The following XCR1 variants were observed in gnomAD, a reference collection of about 807,000 sequenced individuals.
XCR1 encodes the protein X-C motif chemokine receptor 1.
For missense variants in XCR1, 356 were observed against 424.2 expected, an observed-to-expected ratio of 0.84 and a Z score of 1.41; for synonymous variants, 187 against 188.5, an observed-to-expected ratio of 0.99 and a Z score of 0.06.
intron 5 of XCR1, among the ~76,000 whole-genome samples, chr3:46,036,143 G>A (rs777178353): frequency 1.1e-4 from 16 of 152,330 alleles, no homozygotes; most frequent in Admixed American, 6.5e-4. Flanking sequence ...GGAGTTTGCT[G>A]TTGAATGAGA....
At chr3:46,026,697 A>G (rs1052757156) in intron 1 of XCR1, among the ~76,000 whole-genome samples, 1 of 151,124 alleles carries the variant, frequency 6.6e-6, no homozygotes, top group Non-Finnish European at 1.5e-5. Flanking sequence ...ATTCTCCTGA[A>G]TCAGCCTCCC....
chr3:46,044,761 C>T (rs1425225963), intron 5 of XCR1, among the ~76,000 whole-genome samples: 1 of 152,070 alleles, frequency 6.6e-6, no homozygotes. Context: ...ATGAAATAGA[C>T]CAATTCCTTG....
intron 3 of XCR1, among the ~76,000 whole-genome samples, chr3:46,071,405 C>G (rs1169699769): frequency 6.6e-6 from 1 of 151,954 alleles, no homozygotes; most frequent in East Asian, 1.9e-4. Flanking sequence ...AGAACTGTAC[C>G]AATCTTCCTG....
At chr3:46,042,418 T>C (rs1697552232) in intron 5 of XCR1, among the ~76,000 whole-genome samples, 1 of 152,140 alleles carries the variant, frequency 6.6e-6, no homozygotes, top group Admixed American at 6.5e-5. Flanking sequence ...TATTTAGCTA[T>C]ATTGAGTAAA....
chr3:46,029,800 A>G (rs775965770), upstream of XCR1, among the ~76,000 whole-genome samples: 3 of 152,048 alleles, frequency 2.0e-5, no homozygotes, highest in Non-Finnish European at 2.9e-5. Context: ...ATCCGGGAAC[A>G]CTGAAAGTCC....
intron 5 of XCR1, among the ~76,000 whole-genome samples, chr3:46,042,749 G>T (rs974555133): frequency 2.6e-5 from 4 of 152,138 alleles, no homozygotes; most frequent in African/African-American, 9.7e-5. Flanking sequence ...AACATTTAAA[G>T]AAGAATTAAC....
At chr3:46,046,287 A>G (rs1697625669) in intron 5 of XCR1, among the ~76,000 whole-genome samples, 1 of 152,212 alleles carries the variant, frequency 6.6e-6, no homozygotes, top group Admixed American at 6.5e-5. Context: ...CCTGAGCTTT[A>G]CACAGCCCTC....
intron 5 of XCR1, among the ~76,000 whole-genome samples, chr3:46,046,916 C>A (rs1697641202): frequency 6.6e-6 from 1 of 152,152 alleles, no homozygotes; most frequent in Non-Finnish European, 1.5e-5. Flanking sequence ...TGGGCTTTCA[C>A]AAGGTCCCAT....
At chr3:46,073,410 C>T (rs1266890407) in intron 3 of XCR1, among the ~76,000 whole-genome samples, 1 of 152,076 alleles carries the variant, frequency 6.6e-6, no homozygotes, top group East Asian at 1.9e-4. Flanking sequence ...GCTTGGCCAA[C>T]ATGGCAAAAT....
At chr3:46,048,487 C>T (rs1374654811) in intron 5 of XCR1, among the ~76,000 whole-genome samples, 14 of 152,122 alleles carry the variant, frequency 9.2e-5, no homozygotes, top group Non-Finnish European at 1.8e-4. Context: ...CCTTCTCTCC[C>T]TCTTTGCACT....
chr3:46,079,875 C>A (rs2125904431), intron 1 of XCR1, among the ~76,000 whole-genome samples: 1 of 151,980 alleles, frequency 6.6e-6, no homozygotes, highest in South Asian at 2.1e-4. Flanking sequence ...CACTGAATGG[C>A]AAAAAAGGCA....
At position 46,065,797 on chromosome 3, in the gene XCR1, G is replaced by A. The variant is rs6798186; in HGVS notation, c.-183+1102C>T. On this transcript the variant is annotated intron_variant, in intron 4 of 5. Coordinates refer to the XCR1 transcript ENST00000683768. ...TAGCACTTAGAGGACTGAGCCCTGG[G>A]CGGTGTGCTCTAAATGTGTGTAGGG... 3.7e-3 allele frequency among the ~76,000 whole-genome samples: 567 copies of A among 152,302 alleles called. 4 individuals are homozygous for A. Among genetic ancestry groups the A allele is most frequent in the African/African-American group, 0.013 (522 of 41,558 alleles).
chr3:46,070,915 C>A (rs564731509), intron 3 of XCR1, among the ~76,000 whole-genome samples: 33 of 152,158 alleles, frequency 2.2e-4, no homozygotes, highest in African/African-American at 7.9e-4. Context: ...ATTCCTTCCT[C>A]TTCCTCCTTT....
At chr3:46,038,532 A>T (rs13088143) in intron 5 of XCR1, among the ~76,000 whole-genome samples, 33,720 of 151,952 alleles carry the variant, frequency 0.22, 5,136 homozygotes, top group African/African-American at 0.42. Flanking sequence ...CTTTGAATAG[A>T]CATTTTGTTT....
intron 5 of XCR1, among the ~76,000 whole-genome samples, chr3:46,050,242 C>G (rs35435608): frequency 0.39 from 58,678 of 152,000 alleles, 12,106 homozygotes; most frequent in South Asian, 0.53. Flanking sequence ...ATTGCTGCAG[C>G]GAATTTAAAG....
chr3:46,023,422 G>GAA (rs1708209970), intron 1 of XCR1: 2 of 1,472,232 alleles, frequency 1.4e-6, no homozygotes, highest in East Asian at 4.5e-5. Context: ...ATATCTTTCT[G>GAA]AAGCCATGAA....
intron 5 of XCR1, among the ~76,000 whole-genome samples, chr3:46,051,232 T>A (rs575988441): frequency 6.6e-6 from 1 of 152,372 alleles, no homozygotes; most frequent in East Asian, 1.9e-4. Context: ...ATATCTCATG[T>A]TCTTCAACAT....
At chr3:46,025,905 T>A (rs1268825796) in intron 1 of XCR1, among the ~76,000 whole-genome samples, 1 of 152,122 alleles carries the variant, frequency 6.6e-6, no homozygotes, top group Admixed American at 6.6e-5. Flanking sequence ...CTCGTGAACA[T>A]AGACAGAAAA....
chr3:46,023,250 A>G (rs1559479973), intron 1 of XCR1: 2 of 628,024 alleles, frequency 3.2e-6, no homozygotes, highest in Non-Finnish European at 5.6e-6. Context: ...GATCCCCTCC[A>G]TGTTCCCTGG....
Sources: allele counts gnomAD v4.1 joint callset (sites outside exome capture counted in the v4.1 genomes callset), GRCh38; gene constraint gnomAD v4.1.1; transcripts MANE v1.5; gene names NCBI Gene and HGNC (gene_info 2026-07-23, HGNC 2026-07-21).